Variants in RNF103 observed in about 807,000 individuals in gnomAD.
RNF103 encodes the protein ring finger protein 103.
A neutral mutation model predicts 66.2 loss-of-function variants in RNF103; 23 were observed. The observed-to-expected ratio is 0.35, with a 90% CI of 0.25 to 0.49. The LOEUF is 0.49. RNF103 is among the 20% of genes least tolerant of loss of function. The pLI, the probability that RNF103 is intolerant of heterozygous loss-of-function variation, is 0.98. For missense variants in RNF103, 730 were observed against 814.7 expected (o/e 0.90, Z 1.27); for synonymous variants, 297 against 289.9 (o/e 1.02, Z -0.25).
chr2:86,622,581 G>A (rs891690554), intron 1 of RNF103, 80 bp downstream of exon 1: 37 of 1,420,666 alleles, frequency 2.6e-5, no homozygotes, highest in Admixed American at 8.7e-5. Context: ...CCTCACTCTG[G>A]GGGAACAGCC....
rs1678825951 is a variant in RNF103 at position 86,612,243 on chromosome 2, C to T, written c.398G>A (p.Gly133Asp). 1 of 1,613,114 alleles carries T rather than the reference C, an allele frequency of 6.2e-7. No homozygotes were observed. The highest frequency in any genetic ancestry group is 8.5e-7 in the Non-Finnish European group (1 of 1,179,506). ...VIANDRSPLV[G>D]KIHWEKMVKK... is the part of the protein sequence containing the mutation. ...AACCATTTTCTCCCAGTGAATTTTG[C>T]CCACCAAGGGACTTCTGTCATTTGC... Residue 133 changes from glycine to aspartate, a missense_variant, in exon 3 of 4, where the codon GGC becomes GAC. By Grantham distance (94) the Gly-to-Asp change is moderately conservative (BLOSUM62 -1). Around this residue, in one of 3 missense-constraint regions of RNF103, gnomAD observed 327 missense variants for 369.8 expected, o/e 0.88. Transcript: ENST00000237455.
chr2:86,606,974 G>A (rs1400212937), intron 3 of RNF103, among the ~76,000 whole-genome samples: 1 of 151,746 alleles, frequency 6.6e-6, no homozygotes. Flanking sequence ...GTAGAGTTGG[G>A]GTCTCACCAT....
rs1314006904 is a variant in RNF103, at chr2:86,603,983, C to G, written c.1918G>C (p.Gly640Arg). ...NGCLLMGLPC[G>R]HVFHQNCIVM... ...ATGCAATTCTGATGAAACACATGAC[C>G]ACAAGGCAACCCCATTAGCAAACAT... The change falls in exon 4 of 4, where the codon GGT becomes CGT. Residue 640 changes from glycine (G) to arginine (R), a missense_variant. Gly to Arg is a moderately radical substitution (Grantham distance 125, BLOSUM62 -2). Around this residue, in one of 3 missense-constraint regions of RNF103, gnomAD observed 355 missense variants for 351.9 expected, o/e 1.01. Transcript: ENST00000237455. The G allele has an allele frequency of 6.2e-7, 1 of 1,614,032 alleles. No individual in the cohort carries two copies. Among genetic ancestry groups the G allele is most frequent in the Non-Finnish European group, 8.5e-7 (1 of 1,180,026 alleles).
Position 86,604,746 on chromosome 2 carries a change from G to T in RNF103, c.1155C>A (p.Ser385Arg). Residue 385 changes from serine (S) to arginine (R), a missense_variant, in exon 4 of 4, where the codon AGC (serine) becomes AGA (arginine). This residue lies in a region of RNF103 where 48 missense variants were observed against 93.0 expected (regional missense o/e 0.52). Transcript: ENST00000237455. ...LGFLQLPYLD[S>R]FYEYSLKLLR... Reference sequence around the variant, plus strand: ...ACAATTTTAAGCTATATTCATAAAAGCTATCTAAGTAAGGTAGCTGTAAAA... The same window carrying T: ...ACAATTTTAAGCTATATTCATAAAATCTATCTAAGTAAGGTAGCTGTAAAA... 6.2e-7 allele frequency: 1 copy of T among 1,613,978 alleles called. No homozygotes were observed. Among genetic ancestry groups the T allele is most frequent in the Non-Finnish European group, 8.5e-7 (1 of 1,180,014 alleles).
Position 86,612,209 on chromosome 2 carries a change from C to A in RNF103, c.432G>T (p.Val144=). Residue 144 remains valine, a synonymous_variant, in exon 3 of 4, where the codon GTG becomes GTT. Coordinates refer to ENST00000237455, the MANE Select transcript of RNF103 (RefSeq NM_005667.4). ...KIHWEKMVKK[V]SRFGIRTGTF... Reference sequence around the variant, plus strand: ...TGCCTGTACGTATTCCAAATCTTGACACCTTTTTAACCATTTTCTCCCAGT... The same window carrying A: ...TGCCTGTACGTATTCCAAATCTTGAAACCTTTTTAACCATTTTCTCCCAGT... The A allele has an allele frequency of 6.2e-7, 1 of 1,613,856 alleles. No homozygotes were observed. The highest frequency in any genetic ancestry group is 8.5e-7 in the Non-Finnish European group (1 of 1,179,896).
chr2:86,623,790 G>A lies in RNF103; in HGVS notation c.-904C>T, dbSNP rs1244452724. 2 of 1,281,988 alleles carry A rather than the reference G, an allele frequency of 1.6e-6. No individual in the cohort carries two copies. Among genetic ancestry groups the A allele is most frequent in the South Asian group, 1.2e-5 (1 of 80,400 alleles). 79.4% of individuals were successfully genotyped at this position (1,281,988 alleles called of 1,614,324 possible). A position where few individuals can be genotyped will look rare whatever the true frequency, so the allele number is the denominator to read the frequency against. ...CGCAGCACCCGTCCCCAACACCCCC[G>A]CCACCTCCGGAGACCGCGGCCGTAC... On this transcript the variant is annotated 5_prime_UTR_variant, in exon 1 of 4. Transcript: ENST00000237455.
chr2:86,620,425 C>T lies in RNF103; in HGVS notation c.271G>A (p.Glu91Lys), dbSNP rs1389930718. The change falls in exon 2 of 4, where the codon GAA (glutamate) becomes AAA (lysine). Residue 91 changes from glutamate (E) to lysine (K), a missense_variant. By Grantham distance (56) the Glu-to-Lys change is moderately conservative (BLOSUM62 1). This residue lies in a region of RNF103 where 327 missense variants were observed against 369.8 expected (regional missense o/e 0.88). Coordinates refer to ENST00000237455, the MANE Select transcript of RNF103 (RefSeq NM_005667.4). ...GTACTAGAAACCGATTCGGATGCTT[C>T]TTCTTCCTTGAGAGCAGAATAGAGC... ...GELYSALKEE[E>K]ASESVSSTNF... The T allele has an allele frequency of 7.5e-6, 12 of 1,606,108 alleles. No individual in the cohort carries two copies. The highest frequency in any genetic ancestry group is 5.3e-5 in the African/African-American group (4 of 74,848).
At position 86,603,565 on chromosome 2, in the gene RNF103, T is replaced by C. The variant is rs1267476045; in HGVS notation, c.*278A>G. The C allele has an allele frequency of 2.4e-6, 1 of 413,106 alleles. No homozygotes were observed. Among genetic ancestry groups the C allele is most frequent in the Non-Finnish European group, 4.3e-6 (1 of 233,570 alleles). The allele number at this position is 413,106 out of a possible 1,614,324, so 25.6% of individuals were successfully genotyped here. A position where few individuals can be genotyped will look rare whatever the true frequency, so the allele number is the denominator to read the frequency against. On this transcript the variant is annotated 3_prime_UTR_variant, in exon 4 of 4. Coordinates refer to ENST00000237455, the MANE Select transcript of RNF103 (RefSeq NM_005667.4). The stretch of plus-strand genomic sequence containing the variant: ...AATTTGATCCTATCTTGTAAAGTCT[T>C]GCTAGGATAAATTTCTATAATACTT...
chr2:86,614,194 A>G (rs754416302), intron 2 of RNF103: 1 of 152,220 alleles, frequency 6.6e-6, no homozygotes. Context: ...GAAGAAGGCA[A>G]TCTGGGGACA....
Position 86,604,471 on chromosome 2 carries a change from G to A in RNF103, c.1430C>T (p.Pro477Leu). 1.2e-6 allele frequency: 2 copies of A among 1,614,236 alleles called. No homozygotes were observed. Residue 477 changes from proline to leucine, a missense_variant, in exon 4 of 4, where the codon CCT becomes CTT. This residue lies in a region of RNF103 where 355 missense variants were observed against 351.9 expected (regional missense o/e 1.01). Coordinates refer to ENST00000237455, the MANE Select transcript of RNF103 (RefSeq NM_005667.4). ...FHPIASFQNFPVESDWDEDPD... is the reference protein window; with the variant it reads ...FHPIASFQNFLVESDWDEDPD... Reference sequence around the variant, plus strand: ...GTCTTCGTCCCAATCAGATTCTACAGGAAAGTTCTGAAAAGAAGCAATCGG... The same window carrying A: ...GTCTTCGTCCCAATCAGATTCTACAAGAAAGTTCTGAAAAGAAGCAATCGG...
chr2:86,604,376 T>A lies in RNF103; in HGVS notation c.1525A>T (p.Ile509Phe). The change falls in exon 4 of 4, where the codon ATT becomes TTT. Residue 509 changes from isoleucine to phenylalanine, a missense_variant. Coordinates refer to ENST00000237455, the MANE Select transcript of RNF103 (RefSeq NM_005667.4). ...AATCGCCACATTGGTAAGTTTTTAA[T>A]ATAATCAGTTGGTATCAGAGGGTGA... Reference protein sequence around the residue: ...WLHPLIPTDYIKNLPMWRFKC... With the variant: ...WLHPLIPTDYFKNLPMWRFKC... 1 of 1,614,226 alleles carries A rather than the reference T, an allele frequency of 6.2e-7. No homozygotes were observed. Among genetic ancestry groups the A allele is most frequent in the Non-Finnish European group, 8.5e-7 (1 of 1,180,046 alleles).
intron 2 of RNF103, chr2:86,615,278 T>G: frequency 1.0e-6 from 1 of 976,928 alleles, no homozygotes; most frequent in Non-Finnish European, 1.2e-6. Context: ...ATGAAAAATC[T>G]TGTAGGCATT....
intron 1 of RNF103, among the ~76,000 whole-genome samples, chr2:86,621,423 C>T (rs1679222380): frequency 6.6e-6 from 1 of 152,110 alleles, no homozygotes; most frequent in Non-Finnish European, 1.5e-5. Flanking sequence ...GATCTTTTAC[C>T]CTAGTTACTC....
rs908037335 is a variant in RNF103 at position 86,616,810 on chromosome 2, C to A, written c.366+3520G>T. On this transcript the variant is annotated intron_variant, in intron 2 of 3. Transcript: ENST00000237455. ...CTTTGAACTATGACAAAAGTCAAAA[C>A]GGAGAAACAGAAATGTTAGGAGGAG... The A allele has an allele frequency of 5.1e-6, 5 of 985,388 alleles. No homozygotes were observed. In the South Asian group the frequency reaches 2.3e-4, roughly 46 times the overall value. 61.0% of individuals were successfully genotyped at this position (985,388 alleles called of 1,614,324 possible). A position where few individuals can be genotyped will look rare whatever the true frequency, so the allele number is the denominator to read the frequency against.
intron 3 of RNF103, among the ~76,000 whole-genome samples, chr2:86,609,821 G>A (rs550403402): frequency 6.6e-6 from 1 of 152,180 alleles, no homozygotes; most frequent in Non-Finnish European, 1.5e-5. Context: ...TACAGTCAAA[G>A]AATGCAGCAT....
intron 3 of RNF103, among the ~76,000 whole-genome samples, chr2:86,606,003 A>G (rs1395113381): frequency 1.3e-5 from 2 of 152,136 alleles, no homozygotes; most frequent in Non-Finnish European, 2.9e-5. Context: ...TTAATTAACA[A>G]CTACCACAAT....
Position 86,604,021 on chromosome 2 carries a change from T to C in RNF103, c.1880A>G (p.Asn627Ser). The C allele has an allele frequency of 1.2e-6, 2 of 1,614,104 alleles. No homozygotes were observed. The highest frequency in any genetic ancestry group is 2.2e-5 in the South Asian group (2 of 91,074). Residue 627 changes from asparagine to serine, a missense_variant, in exon 4 of 4, where the codon AAT (asparagine) becomes AGT (serine). By Grantham distance (46) the Asn-to-Ser change is conservative (BLOSUM62 1). This residue lies in a region of RNF103 where 355 missense variants were observed against 351.9 expected (regional missense o/e 1.01). Coordinates refer to ENST00000237455, the MANE Select transcript of RNF103 (RefSeq NM_005667.4). Reference protein sequence around the residue: ...HCTECVVCLENFENGCLLMGL... With the variant: ...HCTECVVCLESFENGCLLMGL... ...CATTAGCAAACATCCATTTTCAAAA[T>C]TCTCTAGGCAAACAACACATTCAGT...
chr2:86,622,821 A>T lies in RNF103; in HGVS notation c.66T>A (p.Phe22Leu), dbSNP rs761907496. Residue 22 changes from phenylalanine to leucine, a missense_variant, in exon 1 of 4, where the codon TTT (phenylalanine) becomes TTA (leucine). Physicochemically the swap from Phe to Leu is conservative, Grantham distance 22. Around this residue, in one of 3 missense-constraint regions of RNF103, gnomAD observed 327 missense variants for 369.8 expected, o/e 0.88. Transcript: ENST00000237455. ...CAGTTTCATACCACACAATGGCCTCAAAAAACCTGGCCAGGACGAACAGGA... is the reference window on the plus strand; with the variant it reads ...CAGTTTCATACCACACAATGGCCTCTAAAAACCTGGCCAGGACGAACAGGA... Reference protein sequence around the residue: ...FLVLFVLARFFEAIVWYETGI... With the variant: ...FLVLFVLARFLEAIVWYETGI... 7 of 1,614,144 alleles carry T rather than the reference A, an allele frequency of 4.3e-6. No individual in the cohort carries two copies. In the South Asian group the frequency reaches 7.7e-5, roughly 18 times the overall value.
At chr2:86,605,776 T>C (rs1212214187) in intron 3 of RNF103, among the ~76,000 whole-genome samples, 1 of 152,064 alleles carries the variant, frequency 6.6e-6, no homozygotes, top group African/African-American at 2.4e-5. Flanking sequence ...TGAGACAAAA[T>C]AGAGATAAAA....
Sources: gnomAD v4.1 joint callset for allele counts (sites outside exome capture counted in the v4.1 genomes callset) on GRCh38, gnomAD v4.1.1 for gene constraint, gnomAD v4.1.1 regional missense constraint, MANE v1.5 for transcripts, NCBI Gene and HGNC (gene_info 2026-07-23, HGNC 2026-07-21) for gene names.